PMEPA1: variants seen among roughly 807,000 people sequenced by gnomAD.
The protein encoded by PMEPA1 is protein TMEPAI.
Under a neutral mutation model 23.0 loss-of-function variants are expected in PMEPA1, and 11 were observed. That is an observed-to-expected ratio of 0.48 (90% CI 0.30 to 0.79). The LOEUF is 0.79. Among genes scored for constraint, PMEPA1 ranks in the 30% least tolerant of loss-of-function variants. The pLI is 0.06. For synonymous variants in PMEPA1, 204 were observed against 166.4 expected, an observed-to-expected ratio of 1.23 and a Z score of -1.74; for missense variants, 377 against 390.9, an observed-to-expected ratio of 0.96 and a Z score of 0.30.
intron 1 of PMEPA1, among the ~76,000 whole-genome samples, chr20:57,687,084 CCCA>C (rs2071810907): frequency 6.6e-6 from 1 of 152,270 alleles, no homozygotes. Context: ...CAGCAAGCAG[CCCA>C]CAAGCTCTGC....
chr20:57,667,468 C>T (rs1437424741), intron 1 of PMEPA1, among the ~76,000 whole-genome samples: 1 of 152,144 alleles, frequency 6.6e-6, no homozygotes, highest in Non-Finnish European at 1.5e-5. Flanking sequence ...GGGCTCATTT[C>T]TCTCTCTTCA....
chr20:57,690,674 A>G, intron 1 of PMEPA1: 4 of 843,484 alleles, frequency 4.7e-6, no homozygotes, highest in Non-Finnish European at 6.4e-6. Flanking sequence ...CTGTCCTGGG[A>G]AACACTCGGT....
chr20:57,675,329 C>G (rs2071621716), intron 1 of PMEPA1, among the ~76,000 whole-genome samples: 1 of 152,208 alleles, frequency 6.6e-6, no homozygotes, highest in African/African-American at 2.4e-5. Flanking sequence ...TCCAGCAGCC[C>G]CGACCCCTCC....
At chr20:57,667,503 A>T (rs1600638802) in intron 1 of PMEPA1, among the ~76,000 whole-genome samples, 1 of 151,914 alleles carries the variant, frequency 6.6e-6, no homozygotes, top group South Asian at 2.1e-4. Flanking sequence ...AGCAGAGTCC[A>T]CCCGGCTCCT....
At chr20:57,707,022 C>T (rs769496568) in intron 1 of PMEPA1, among the ~76,000 whole-genome samples, 1 of 152,146 alleles carries the variant, frequency 6.6e-6, no homozygotes, top group African/African-American at 2.4e-5. Flanking sequence ...GACAGTGAGG[C>T]CCATCATGGC....
rs2071733762 is a variant in PMEPA1, at chr20:57,682,563, T to C, written c.110-22866A>G. On this transcript the variant is annotated intron_variant, in intron 1 of 3. Transcript: ENST00000341744. The surrounding 1 kb of genome is among the most constrained non-coding windows in gnomAD (Gnocchi z 4.4). ...CTGAATGCTACAGAGCAGGCTCCCG[T>C]GCCCACCGCCCCACACCTGGAAGAC... is the stretch of plus-strand genomic sequence containing the variant. Among the ~76,000 whole-genome samples, 1 of 152,046 alleles carries C rather than the reference T, an allele frequency of 6.6e-6. No homozygotes were observed. Among genetic ancestry groups the C allele is most frequent in the African/African-American group, 2.4e-5 (1 of 41,386 alleles).
intron 1 of PMEPA1, among the ~76,000 whole-genome samples, chr20:57,666,705 G>C (rs1429033910): frequency 6.6e-6 from 1 of 152,200 alleles, no homozygotes; most frequent in Non-Finnish European, 1.5e-5. Context: ...CCACCTCTGA[G>C]CCAGCGCAGA....
At chr20:57,710,718 G>GGC, upstream of PMEPA1, 1 of 469,290 alleles carries the variant, frequency 2.1e-6, no homozygotes, top group Non-Finnish European at 3.8e-6. Context: ...CCGGCTGGGG[G>GGC]GCGCGGCTGC....
intron 1 of PMEPA1, among the ~76,000 whole-genome samples, chr20:57,661,658 G>A (rs1006517297): frequency 6.6e-5 from 10 of 152,164 alleles, no homozygotes; most frequent in South Asian, 4.1e-4. Context: ...AAAACAGGCC[G>A]TGCAGAGCCG....
In PMEPA1 at chr20:57,656,554, C is replaced by T. The variant is rs2071329530; in HGVS notation, c.264+2989G>A. On this transcript the variant is annotated intron_variant, in intron 2 of 3. Coordinates refer to ENST00000341744, the MANE Select transcript of PMEPA1 (RefSeq NM_020182.5). The surrounding 1 kb of genome is among the most constrained non-coding windows in gnomAD (Gnocchi z 4.7). ...CGGTCACTGCAGTGACGTTCTGCATCATGTCCCGAATACCCTCGGAGCAGC... is the reference window on the plus strand; with the variant it reads ...CGGTCACTGCAGTGACGTTCTGCATTATGTCCCGAATACCCTCGGAGCAGC... 6.6e-6 allele frequency among the ~76,000 whole-genome samples: 1 copy of T among 152,180 alleles called. No individual in the cohort carries two copies. Among genetic ancestry groups the T allele is most frequent in the South Asian group, 2.1e-4 (1 of 4,832 alleles).
chr20:57,673,655 C>A (rs1394038839), intron 1 of PMEPA1, among the ~76,000 whole-genome samples: 1 of 152,204 alleles, frequency 6.6e-6, no homozygotes, highest in Non-Finnish European at 1.5e-5. Context: ...ACGTGGGACT[C>A]CCAGCTACAA....
intron 1 of PMEPA1, among the ~76,000 whole-genome samples, chr20:57,705,920 T>A (rs969472578): frequency 3.9e-5 from 6 of 152,190 alleles, no homozygotes; most frequent in African/African-American, 1.4e-4. Context: ...GGGCTCAGAA[T>A]GTCACAGTGC....
At chr20:57,674,263 T>G (rs2071606696) in intron 1 of PMEPA1, among the ~76,000 whole-genome samples, 1 of 151,770 alleles carries the variant, frequency 6.6e-6, no homozygotes, top group Admixed American at 6.6e-5. Context: ...GCTCATTCTC[T>G]CCCCCCTCCT....
At chr20:57,659,872 C>T (rs1313744658) in intron 1 of PMEPA1, among the ~76,000 whole-genome samples, 175 bp from the exon 2 acceptor site, 5 of 152,358 alleles carry the variant, frequency 3.3e-5, no homozygotes, top group East Asian at 3.9e-4. Context: ...GGCTGGGGTA[C>T]GTGCAGGGAA....
At chr20:57,658,006 G>C (rs1046853308) in intron 2 of PMEPA1, among the ~76,000 whole-genome samples, 2 of 152,208 alleles carry the variant, frequency 1.3e-5, no homozygotes. Context: ...ACACATCCTG[G>C]GTGCAGAGAT....
At chr20:57,706,714 G>A (rs554563558) in intron 1 of PMEPA1, among the ~76,000 whole-genome samples, 10 of 152,296 alleles carry the variant, frequency 6.6e-5, no homozygotes, top group African/African-American at 1.2e-4. Context: ...AGGTGTGGGC[G>A]TGCAGTCCAA....
At chr20:57,698,957 C>T (rs2071976775) in intron 1 of PMEPA1, among the ~76,000 whole-genome samples, 1 of 152,224 alleles carries the variant, frequency 6.6e-6, no homozygotes, top group African/African-American at 2.4e-5. Flanking sequence ...CAAACTCTCA[C>T]GCCATCTCTC....
Position 57,682,996 on chromosome 20 carries a change from G to GA in PMEPA1, c.110-23300dup, listed in dbSNP as rs1600656493. On this transcript the variant is annotated intron_variant, in intron 1 of 3. Transcript: ENST00000341744. This position sits in a 1 kb window ranked among gnomAD's most constrained non-coding sequence, Gnocchi z 4.4. ...ACTCTTCAGAAAAGGAGAAGAAGAA[G>GA]AAAAAAGAGTCCAAGCCTCCCAGGT... Among the ~76,000 whole-genome samples, 1 of 152,108 alleles carries GA rather than the reference G, an allele frequency of 6.6e-6. No individual in the cohort carries two copies. The highest frequency in any genetic ancestry group is 1.5e-5 in the Non-Finnish European group (1 of 68,008).
chr20:57,709,916 T>TCCG lies in PMEPA1; in HGVS notation c.-337_-335dup, dbSNP rs1035195930. The TCCG allele has an allele frequency of 1.6e-4, 160 of 1,004,796 alleles. 2 individuals are homozygous for TCCG. Among genetic ancestry groups the TCCG allele is most frequent in the Middle Eastern group, 5.0e-4 (1 of 2,018 alleles). The allele number at this position is 1,004,796 out of a possible 1,614,324, so 62.2% of individuals were successfully genotyped here. A position where few individuals can be genotyped will look rare whatever the true frequency, so the allele number is the denominator to read the frequency against. ...CGCTAGCTTTCCCCAGCCGAGCGCC[T>TCCG]CCGCCGCCGCCGCCGCCGCCGCCTC... On this transcript the variant is annotated 5_prime_UTR_variant, in exon 1 of 4. Coordinates refer to ENST00000341744, the MANE Select transcript of PMEPA1 (RefSeq NM_020182.5).
Sources: allele counts gnomAD v4.1 joint callset (sites outside exome capture counted in the v4.1 genomes callset), GRCh38; gene constraint gnomAD v4.1.1; non-coding constraint Gnocchi (gnomAD v3.1); transcripts MANE v1.5; gene names NCBI Gene and HGNC (gene_info 2026-07-23, HGNC 2026-07-21).